The following GADL1 variants were observed in gnomAD, a reference collection of about 807,000 sequenced individuals.
The protein encoded by GADL1 is GAD like acidic amino acid decarboxylase 1.
Under a neutral mutation model 69.5 loss-of-function variants are expected in GADL1, and 71 were observed. The ratio of observed to expected loss-of-function variants is 1.02; its 90% CI spans 0.84 to 1.25. The LOEUF is 1.25. GADL1 is among the 50% of genes most tolerant of loss of function. The pLI is 0.00. For missense variants in GADL1, 737 were observed against 631.8 expected (o/e 1.17, Z -1.79); for synonymous variants, 254 against 214.4 (o/e 1.18, Z -1.62).
intron 1 of GADL1, among the ~76,000 whole-genome samples, chr3:30,892,626 G>C (rs1180862981): frequency 1.3e-5 from 2 of 152,002 alleles, no homozygotes; most frequent in African/African-American, 2.4e-5. Context: ...TCTAAGAAAA[G>C]TAGATACCTT....
rs562642973 is a variant in GADL1, at chr3:30,880,743, A to T, written c.37+13835T>A. ...GGTATCCACAGGAGGTCCTGGAACC[A>T]ATTCCCTGCAGATTCTGAGGGATGA... On this transcript the variant is annotated intron_variant, in intron 1 of 14. Coordinates refer to ENST00000282538, the MANE Select transcript of GADL1 (RefSeq NM_207359.3). Among the ~76,000 whole-genome samples the T allele has an allele frequency of 2.0e-5, 3 of 152,060 alleles. No individual in the cohort carries two copies. In the South Asian group the frequency reaches 6.2e-4, roughly 31 times the overall value.
At chr3:30,795,594 G>C (rs1464821210) in intron 12 of GADL1, among the ~76,000 whole-genome samples, 1 of 152,036 alleles carries the variant, frequency 6.6e-6, no homozygotes, top group Admixed American at 6.6e-5. Context: ...CCCCAGAATT[G>C]AGAAAAATAT....
chr3:30,734,142 G>T (rs138486334), intron 14 of GADL1, among the ~76,000 whole-genome samples: 21 of 152,268 alleles, frequency 1.4e-4, no homozygotes, highest in African/African-American at 4.8e-4. Context: ...CATAACTAAA[G>T]CATTATGGTT....
chr3:30,791,440 C>A lies in GADL1; in HGVS notation c.1251-5034G>T, dbSNP rs539351706. 1.9e-3 allele frequency among the ~76,000 whole-genome samples: 286 copies of A among 152,240 alleles called. 1 individual carries two copies. Among genetic ancestry groups the A allele is most frequent in the African/African-American group, 6.6e-3 (273 of 41,532 alleles). On this transcript the variant is annotated intron_variant, in intron 12 of 14. Transcript: ENST00000282538. The stretch of plus-strand genomic sequence containing the variant: ...TCCTAAGCCTTCCTGAGCCTGCCTC[C>A]ACTTCCTCATGCACGTAAAGATGTA...
rs553889337 is a variant in GADL1, at chr3:30,870,302, G to T, written c.38-8537C>A. Reference sequence around the variant, plus strand: ...GAACAGAAGATATCTGAATTGAGTTGTAAAAGAGAAGGAGAGCCAGACACG... The same window carrying T: ...GAACAGAAGATATCTGAATTGAGTTTTAAAAGAGAAGGAGAGCCAGACACG... On this transcript the variant is annotated intron_variant, in intron 1 of 14. Coordinates refer to ENST00000282538, the MANE Select transcript of GADL1 (RefSeq NM_207359.3). Among the ~76,000 whole-genome samples the T allele has an allele frequency of 1.2e-3, 179 of 151,926 alleles. 3 individuals carry two copies. Among genetic ancestry groups the T allele is most frequent in the African/African-American group, 4.2e-3 (174 of 41,368 alleles).
At chr3:30,886,331 C>T (rs1441439033) in intron 1 of GADL1, among the ~76,000 whole-genome samples, 1 of 152,088 alleles carries the variant, frequency 6.6e-6, no homozygotes, top group African/African-American at 2.4e-5. Flanking sequence ...CAATATGGAG[C>T]CATTTCTGCA....
rs149175162 is a variant in GADL1, at chr3:30,778,230, C to T, written c.1341G>A (p.Pro447=). 6.5e-4 allele frequency: 1,046 copies of T among 1,612,252 alleles called. 5 individuals carry two copies. The African/African-American group carries it at 0.012, about 19-fold the overall frequency. ...GTCCTTCTTCCATCTCTCTGAGGCT[C>T]GGTGGAATGTACCAAAAGCAAATAT... ...YANICFWYIP[P]SLREMEEGPE... is the part of the protein sequence containing the mutation. Residue 447 remains proline, a synonymous_variant, in exon 14 of 15, where the codon CCG becomes CCA. Coordinates refer to ENST00000282538, the MANE Select transcript of GADL1 (RefSeq NM_207359.3).
intron 14 of GADL1, among the ~76,000 whole-genome samples, chr3:30,736,098 T>C (rs1289703479): frequency 6.6e-6 from 1 of 152,156 alleles, no homozygotes; most frequent in Non-Finnish European, 1.5e-5. Flanking sequence ...TTATTTTGCC[T>C]GATGATTAAA....
intron 11 of GADL1, among the ~76,000 whole-genome samples, chr3:30,809,008 T>C (rs559841465): frequency 1.3e-5 from 2 of 152,184 alleles, no homozygotes; most frequent in African/African-American, 4.8e-5. Context: ...GTGCTTCATA[T>C]ACTCAACTCT....
chr3:30,766,191 T>TG, intron 14 of GADL1, among the ~76,000 whole-genome samples: 1 of 152,216 alleles, frequency 6.6e-6, no homozygotes, highest in East Asian at 1.9e-4. Flanking sequence ...AAATTGAACA[T>TG]GGGGCACCAA....
Position 30,810,853 on chromosome 3 carries a change from G to T in GADL1, c.1051-9765C>A, listed in dbSNP as rs554532528. Among the ~76,000 whole-genome samples, 38 of 152,204 alleles carry T rather than the reference G, an allele frequency of 2.5e-4. No individual in the cohort carries two copies. The East Asian group carries it at 5.8e-3, about 23-fold the overall frequency. ...GCAGCCTTCCACGCAAAATGAGAGG[G>T]GGAGGGGGAAGGAAGTCCCTCCCCC... is the stretch of plus-strand genomic sequence containing the variant. On this transcript the variant is annotated intron_variant, in intron 11 of 14. Transcript: ENST00000282538.
At chr3:30,767,310 T>C (rs956034013) in intron 14 of GADL1, among the ~76,000 whole-genome samples, 4 of 152,156 alleles carry the variant, frequency 2.6e-5, no homozygotes, top group African/African-American at 9.7e-5. Flanking sequence ...TGAAAAATAT[T>C]AAAGAATGCT....
chr3:30,796,897 C>T (rs1158250124), intron 12 of GADL1, among the ~76,000 whole-genome samples: 2 of 152,168 alleles, frequency 1.3e-5, no homozygotes, highest in Admixed American at 1.3e-4. Flanking sequence ...TTACTGACTT[C>T]TAAAAGTCTT....
intron 11 of GADL1, among the ~76,000 whole-genome samples, chr3:30,804,530 A>T (rs1173958584): frequency 1.3e-5 from 2 of 151,506 alleles, no homozygotes; most frequent in African/African-American, 4.9e-5. Context: ...CCCCACCCCG[A>T]TATCTCCCTT....
At chr3:30,839,647 G>T (rs1697935123) in intron 8 of GADL1, among the ~76,000 whole-genome samples, 1 of 151,992 alleles carries the variant, frequency 6.6e-6, no homozygotes, top group African/African-American at 2.4e-5. Context: ...TTCAGCATCA[G>T]AGGAGATAAG....
chr3:30,793,720 TTTG>T (rs770222326), intron 12 of GADL1, among the ~76,000 whole-genome samples: 1 of 152,196 alleles, frequency 6.6e-6, no homozygotes, highest in Non-Finnish European at 1.5e-5. Flanking sequence ...AATCTCCCCC[TTTG>T]TTTTTATTTT....
chr3:30,760,923 A>G (rs795444), intron 14 of GADL1, among the ~76,000 whole-genome samples: 50,401 of 152,042 alleles, frequency 0.33, 9,851 homozygotes, highest in Non-Finnish European at 0.43. Flanking sequence ...TGCTTCAACT[A>G]GAAAATTAAA....
At chr3:30,891,156 C>A (rs879445782) in intron 1 of GADL1, among the ~76,000 whole-genome samples, 1 of 152,076 alleles carries the variant, frequency 6.6e-6, no homozygotes, top group South Asian at 2.1e-4. Context: ...CTGAGAGGAA[C>A]AGAATCAGTA....
chr3:30,894,650 C>G lies in GADL1; in HGVS notation c.-36G>C. On this transcript the variant is annotated 5_prime_UTR_variant, in exon 1 of 15. Transcript: ENST00000282538. ...CCACTCCAGGCTGCCCCGGGCGCGGCTCCCGCAGTCTGGGCGGCGACGGTG... is the reference window on the plus strand; with the variant it reads ...CCACTCCAGGCTGCCCCGGGCGCGGGTCCCGCAGTCTGGGCGGCGACGGTG... 1 of 1,545,464 alleles carries G rather than the reference C, an allele frequency of 6.5e-7. No homozygotes were observed. Among genetic ancestry groups the G allele is most frequent in the Non-Finnish European group, 8.8e-7 (1 of 1,142,780 alleles).
Sources: allele counts gnomAD v4.1 joint callset (sites outside exome capture counted in the v4.1 genomes callset), GRCh38; gene constraint gnomAD v4.1.1; transcripts MANE v1.5; gene names NCBI Gene and HGNC (gene_info 2026-07-23, HGNC 2026-07-21).